OPTC: variants seen among roughly 807,000 people sequenced by gnomAD.
The protein encoded by OPTC is oculoglycan.
In OPTC, 22 loss-of-function variants were observed where a neutral mutation model predicts 25.4. The ratio of observed to expected loss-of-function variants is 0.87; its 90% confidence interval spans 0.62 to 1.24. The LOEUF is 1.24. Among genes scored for constraint, OPTC ranks in the 50% most tolerant of loss-of-function variants. The probability of loss-of-function intolerance (pLI) is 0.00; values close to 1 mark genes in which losing one functional copy is unlikely to be tolerated. For synonymous variants in OPTC, 169 were observed against 179.3 expected, an observed-to-expected ratio of 0.94 and a Z score of 0.46; for missense variants, 417 against 425.2, an observed-to-expected ratio of 0.98 and a Z score of 0.17.
intron 5 of OPTC, among the ~76,000 whole-genome samples, chr1:203,501,489 C>T (rs144535172): frequency 2.7e-3 from 412 of 152,336 alleles, no homozygotes; most frequent in Non-Finnish European, 4.1e-3. Flanking sequence ...TGGGGCAGCC[C>T]ATTCAATAGG....
chr1:203,497,038 C>T lies in OPTC; in HGVS notation c.293C>T (p.Pro98Leu). Residue 98 changes from proline (P) to leucine (L), a missense_variant, in exon 3 of 8, where the codon CCA (proline) becomes CTA (leucine). By Grantham distance (98) the Pro-to-Leu change is moderately conservative. Coordinates refer to ENST00000367222, the MANE Select transcript of OPTC (RefSeq NM_014359.4). ...AGTCCCGCCAAGAGCACTACGGCTC[C>T]AGGGACACCCTCGTCAAACCCCACG... is the stretch of plus-strand genomic sequence containing the variant. Reference protein sequence around the residue: ...SISPAKSTTAPGTPSSNPTMT... With the variant: ...SISPAKSTTALGTPSSNPTMT... The T allele has an allele frequency of 1.2e-6, 2 of 1,614,080 alleles. No homozygotes were observed. Among genetic ancestry groups the T allele is most frequent in the Non-Finnish European group, 1.7e-6 (2 of 1,180,002 alleles).
chr1:203,508,250 C>G (rs947894538), intron 7 of OPTC, among the ~76,000 whole-genome samples: 1 of 152,190 alleles, frequency 6.6e-6, no homozygotes, highest in Non-Finnish European at 1.5e-5. Flanking sequence ...CCACGTCCCC[C>G]CAAAATGCTT....
rs527983098 is a variant in OPTC, at chr1:203,505,960, G to GTT, written c.*25+2216_*25+2217insTT. The stretch of plus-strand genomic sequence containing the variant: ...TCTCTCTCTCTCTCAGAGTGTGTGT[G>GTT]TGTGTGTGTGTTTTCTGTCTCTCTC... On this transcript the variant is annotated intron_variant, in intron 7 of 7. Transcript: ENST00000367222. Among the ~76,000 whole-genome samples the GTT allele has an allele frequency of 3.9e-3, 588 of 151,926 alleles. 3 individuals are homozygous for GTT. Among genetic ancestry groups the GTT allele is most frequent in the African/African-American group, 0.014 (567 of 41,412 alleles).
At chr1:203,508,308 G>A (rs951325323) in intron 7 of OPTC, among the ~76,000 whole-genome samples, 2 of 152,126 alleles carry the variant, frequency 1.3e-5, no homozygotes, top group Non-Finnish European at 1.5e-5. Context: ...GAAAAAGGGG[G>A]GCTGCCTATG....
intron 7 of OPTC, among the ~76,000 whole-genome samples, chr1:203,503,959 C>T (rs1264804987): frequency 1.3e-5 from 2 of 152,154 alleles, no homozygotes; most frequent in African/African-American, 4.8e-5. Flanking sequence ...CTTTCCTTGA[C>T]ACTTATGGCT....
intron 2 of OPTC, 61 bp downstream of exon 2, chr1:203,496,297 C>A: frequency 7.9e-7 from 1 of 1,261,474 alleles, no homozygotes; most frequent in Non-Finnish European, 1.2e-6. Context: ...GAGGCCAGGG[C>A]CCTCCCATCT....
intron 4 of OPTC, among the ~76,000 whole-genome samples, chr1:203,499,240 G>C (rs958906856): frequency 6.6e-6 from 1 of 151,992 alleles, no homozygotes; most frequent in African/African-American, 2.4e-5. Context: ...CTTATGCCCT[G>C]CTTGAGACAG....
intron 6 of OPTC, 82 bp downstream of exon 6, chr1:203,503,091 G>A: frequency 9.4e-7 from 1 of 1,068,026 alleles, no homozygotes; most frequent in Non-Finnish European, 1.4e-6. Context: ...GTGGCAGAGA[G>A]AGGCATGAGG....
At chr1:203,495,511 C>T (rs181856286) in intron 1 of OPTC, among the ~76,000 whole-genome samples, 1 of 152,100 alleles carries the variant, frequency 6.6e-6, no homozygotes, top group African/African-American at 2.4e-5. Context: ...AATGAAACTT[C>T]GTCTCAAAAA....
At chr1:203,496,319 CG>C in intron 2 of OPTC, 83 bp downstream of exon 2, 2 of 955,538 alleles carry the variant, frequency 2.1e-6, no homozygotes, top group Non-Finnish European at 3.4e-6. Context: ...CCCCAAAGTG[CG>C]GGTGTCTCCA....
intron 6 of OPTC, 96 bp from the exon 7 acceptor site, chr1:203,503,454 C>A: frequency 1.6e-6 from 2 of 1,246,330 alleles, no homozygotes; most frequent in Non-Finnish European, 1.2e-6. Flanking sequence ...TGCACCAGAG[C>A]AGGCAGAGCT....
At chr1:203,497,693 T>G (rs552403376) in intron 3 of OPTC, among the ~76,000 whole-genome samples, 1 of 152,256 alleles carries the variant, frequency 6.6e-6, no homozygotes, top group East Asian at 1.9e-4. Flanking sequence ...TTGCCCGCGG[T>G]TTCCCTGTTC....
At position 203,498,759 on chromosome 1, in the gene OPTC, C is replaced by T. The variant is rs754607682; in HGVS notation, c.449C>T (p.Pro150Leu). ...GACATTGACCTAGAGGACATTCCTC[C>T]TCTTCCTCGGAGGACTGCCTACCTG... ...CDDIDLEDIP[P>L]LPRRTAYLYA... Residue 150 changes from proline (P) to leucine (L), a missense_variant, in exon 4 of 8, where the codon CCT (proline) becomes CTT (leucine). Coordinates refer to ENST00000367222, the MANE Select transcript of OPTC (RefSeq NM_014359.4). 6.2e-7 allele frequency: 1 copy of T among 1,614,152 alleles called. No homozygotes were observed. Among genetic ancestry groups the T allele is most frequent in the Non-Finnish European group, 8.5e-7 (1 of 1,180,024 alleles).
intron 7 of OPTC, among the ~76,000 whole-genome samples, chr1:203,506,881 A>G (rs1220535077): frequency 4.6e-5 from 7 of 152,222 alleles, no homozygotes; most frequent in African/African-American, 1.4e-4. Context: ...TCAAGTTCCA[A>G]TTAAAGGAGG....
intron 5 of OPTC, among the ~76,000 whole-genome samples, 191 bp downstream of exon 5, chr1:203,500,042 C>CT: frequency 9.6e-6 from 1 of 103,742 alleles, no homozygotes; most frequent in African/African-American, 3.8e-5. Context: ...CCGCCACCAC[C>CT]ACCACCTACC....
At position 203,498,792 on chromosome 1, in the gene OPTC, G is replaced by T; in HGVS notation, c.482G>T (p.Arg161Leu). Residue 161 changes from arginine (R) to leucine (L), a missense_variant, in exon 4 of 8, where the codon CGC becomes CTC. Coordinates refer to ENST00000367222, the MANE Select transcript of OPTC (RefSeq NM_014359.4). ...CGGAGGACTGCCTACCTGTATGCAC[G>T]CTTCAACCGCATCAGCCGTATCAGG... ...LPRRTAYLYA[R>L]FNRISRIRAE... The T allele has an allele frequency of 1.2e-6, 2 of 1,614,002 alleles. No individual in the cohort carries two copies. Among genetic ancestry groups the T allele is most frequent in the South Asian group, 2.2e-5 (2 of 91,080 alleles).
rs1436490575 is a variant in OPTC, at chr1:203,494,686, A to T, written c.-42+469A>T. 2.0e-5 allele frequency among the ~76,000 whole-genome samples: 3 copies of T among 152,296 alleles called. No homozygotes were observed. The East Asian group carries it at 5.8e-4, about 29-fold the overall frequency. On this transcript the variant is annotated intron_variant, in intron 1 of 7. Coordinates refer to ENST00000367222, the MANE Select transcript of OPTC (RefSeq NM_014359.4). ...AAATAAAAATTAAAAGATAAAAAAA[A>T]TTTTAAAAGAAAGAAAGAGGGAGAG...
At chr1:203,501,848 C>T (rs768521155) in intron 5 of OPTC, among the ~76,000 whole-genome samples, 11 of 152,138 alleles carry the variant, frequency 7.2e-5, no homozygotes, top group Non-Finnish European at 1.2e-4. Context: ...TCTCAAAGAA[C>T]GGGATTGCAT....
Position 203,499,722 on chromosome 1 carries a change from T to C in OPTC, c.603T>C (p.His201=), listed in dbSNP as rs116769398. Residue 201 remains histidine (H), a synonymous_variant, in exon 5 of 8, where the codon CAT becomes CAC. Transcript: ENST00000367222. Reference sequence around the variant, plus strand: ...ATAATGATGCCTTCCGCCTGCTACATGCCCTCCAGGACCTCATCCTCCCAG... The same window carrying C: ...ATAATGATGCCTTCCGCCTGCTACACGCCCTCCAGGACCTCATCCTCCCAG... ...SIDNDAFRLL[H]ALQDLILPEN... The C allele has an allele frequency of 3.7e-6, 6 of 1,613,518 alleles. No individual in the cohort carries two copies. The highest frequency in any genetic ancestry group is 1.6e-4 in the Middle Eastern group (1 of 6,062).
Sources: gnomAD v4.1 joint callset for allele counts (sites outside exome capture counted in the v4.1 genomes callset) on GRCh38, gnomAD v4.1.1 for gene constraint, MANE v1.5 for transcripts, NCBI Gene and HGNC (gene_info 2026-07-23, HGNC 2026-07-21) for gene names.